Variants in FAT3 observed in about 807,000 individuals in gnomAD.
FAT3 encodes protocadherin Fat 3.
In FAT3, 95 loss-of-function variants were observed where a neutral mutation model predicts 310.2. That is an observed-to-expected ratio of 0.31 (90% CI 0.26 to 0.36). The LOEUF (loss-of-function observed/expected upper bound fraction) is 0.36. FAT3 is among the 10% of genes least tolerant of loss of function. FAT3 has a pLI of 1.00. For synonymous variants in FAT3, 2,314 were observed against 2,192.9 expected (o/e 1.06, Z -1.54); for missense variants, 5,408 against 5,715.6 (o/e 0.95, Z 1.74).
rs148881133 is a variant in FAT3, at chr11:92,589,387, C to A, written c.3607+64439C>A. Among the ~76,000 whole-genome samples, 220 of 152,178 alleles carry A rather than the reference C, an allele frequency of 1.4e-3. 1 individual carries two copies. The highest frequency in any genetic ancestry group is 2.6e-3 in the Non-Finnish European group (179 of 67,980). On this transcript the variant is annotated intron_variant, in intron 3 of 27. Coordinates refer to ENST00000525166, the MANE Select transcript of FAT3 (RefSeq NM_001367949.2). ...CACAGATCCATGTGTTATGGCCCTT[C>A]TTTACTACTGAAAATTTTGTCAAAG... is the stretch of plus-strand genomic sequence containing the variant.
At chr11:92,250,263 A>T (rs2134275927) in intron 1 of FAT3, among the ~76,000 whole-genome samples, 1 of 152,294 alleles carries the variant, frequency 6.6e-6, no homozygotes, top group African/African-American at 2.4e-5. Flanking sequence ...GACATTTTAA[A>T]TTCTTGTTTG....
intron 1 of FAT3, among the ~76,000 whole-genome samples, chr11:92,350,896 A>G (rs1209599880): frequency 1.3e-5 from 2 of 152,190 alleles, no homozygotes; most frequent in African/African-American, 4.8e-5. Flanking sequence ...GCAGAGTATA[A>G]GACTGGATGG....
intron 4 of FAT3, among the ~76,000 whole-genome samples, chr11:92,754,304 C>A (rs1364450179): frequency 2.0e-5 from 3 of 151,890 alleles, no homozygotes; most frequent in Non-Finnish European, 2.9e-5. Context: ...TGTATATATA[C>A]ACAATGGAAT....
At chr11:92,834,117 T>C (rs1387312161) in intron 14 of FAT3, among the ~76,000 whole-genome samples, 1 of 152,182 alleles carries the variant, frequency 6.6e-6, no homozygotes, top group East Asian at 1.9e-4. Context: ...GACTGCAGAA[T>C]GCAGGATTGG....
intron 3 of FAT3, among the ~76,000 whole-genome samples, chr11:92,632,954 CT>C (rs1177117704): frequency 3.9e-5 from 6 of 152,182 alleles, no homozygotes; most frequent in African/African-American, 1.4e-4. Flanking sequence ...AACATTGCCC[CT>C]GATCCTTGTT....
chr11:92,838,115 G>A (rs1366039783), intron 17 of FAT3, among the ~76,000 whole-genome samples: 1 of 152,166 alleles, frequency 6.6e-6, no homozygotes, highest in Non-Finnish European at 1.5e-5. Context: ...GGATCTGTGA[G>A]GTTAAGTAAT....
intron 2 of FAT3, among the ~76,000 whole-genome samples, chr11:92,509,768 C>G (rs1953231516): frequency 1.3e-5 from 2 of 152,118 alleles, no homozygotes; most frequent in Non-Finnish European, 2.9e-5. Context: ...CTAAATAAAA[C>G]TACAGATAAA....
chr11:92,284,621 C>T (rs1376608453), intron 1 of FAT3, among the ~76,000 whole-genome samples: 1 of 152,050 alleles, frequency 6.6e-6, no homozygotes, highest in Non-Finnish European at 1.5e-5. Context: ...CATTTGTCAA[C>T]CTTAGGGCAC....
chr11:92,327,992 T>C (rs1460757064), intron 1 of FAT3, among the ~76,000 whole-genome samples: 1 of 152,212 alleles, frequency 6.6e-6, no homozygotes, highest in East Asian at 1.9e-4. Flanking sequence ...AACAAGAGGA[T>C]AGGGTGGTGC....
At chr11:92,680,379 G>C (rs1479450040) in intron 3 of FAT3, among the ~76,000 whole-genome samples, 2 of 152,090 alleles carry the variant, frequency 1.3e-5, no homozygotes, top group African/African-American at 2.4e-5. Flanking sequence ...CTTTCTCAAT[G>C]TATGTTCTTG....
At chr11:92,713,664 A>T (rs916629033) in intron 4 of FAT3, among the ~76,000 whole-genome samples, 6 of 152,208 alleles carry the variant, frequency 3.9e-5, no homozygotes, top group Non-Finnish European at 8.8e-5. Context: ...AGTCTTTAAA[A>T]CTAAACTATT....
Position 92,353,085 on chromosome 11 carries a change from A to C in FAT3, c.973A>C (p.Lys325Gln), listed in dbSNP as rs758521604. 5.0e-6 allele frequency: 8 copies of C among 1,613,696 alleles called. No individual in the cohort carries two copies. The highest frequency in any genetic ancestry group is 1.3e-5 in the African/African-American group (1 of 75,016). ...GGAAGGAAAGTGGTTGAATGAGTAC[A>C]AGATTAAGGAGAGGAAGCAGATTGA... is the stretch of plus-strand genomic sequence containing the variant. ...AKEGKWLNEY[K>Q]IKERKQIDWE... is the part of the protein sequence containing the mutation. The change falls in exon 2 of 28, where the codon AAG (lysine) becomes CAG (glutamine). Residue 325 changes from lysine to glutamine, a missense_variant. By Grantham distance (53) the Lys-to-Gln change is moderately conservative. Transcript: ENST00000525166.
intron 3 of FAT3, among the ~76,000 whole-genome samples, chr11:92,541,937 T>G (rs962127097): frequency 5.3e-5 from 8 of 152,084 alleles, no homozygotes; most frequent in Non-Finnish European, 1.2e-4. Flanking sequence ...TATGATAGGT[T>G]TAGAATCACC....
At chr11:92,382,725 G>C (rs1190866145) in intron 2 of FAT3, among the ~76,000 whole-genome samples, 1 of 152,200 alleles carries the variant, frequency 6.6e-6, no homozygotes, top group Non-Finnish European at 1.5e-5. Flanking sequence ...TGTGTGTATA[G>C]AGAAGGATGT....
chr11:92,389,758 A>G (rs1244396237), intron 2 of FAT3, among the ~76,000 whole-genome samples: 1 of 152,168 alleles, frequency 6.6e-6, no homozygotes, highest in South Asian at 2.1e-4. Context: ...GTAATTGCCG[A>G]TGATCACATG....
At chr11:92,278,493 G>C (rs917563003) in intron 1 of FAT3, among the ~76,000 whole-genome samples, 4 of 152,048 alleles carry the variant, frequency 2.6e-5, no homozygotes, top group Middle Eastern at 3.4e-3. Context: ...TGTATTTTTT[G>C]GTGGTTAAAT....
At chr11:92,824,870 A>G (rs1948064017) in intron 13 of FAT3, among the ~76,000 whole-genome samples, 1 of 151,876 alleles carries the variant, frequency 6.6e-6, no homozygotes, top group Non-Finnish European at 1.5e-5. Context: ...ATGCCATTAT[A>G]TATTCTTTTA....
Position 92,417,805 on chromosome 11 carries a change from C to CT in FAT3, c.3292+62404dup, listed in dbSNP as rs1466543559. Among the ~76,000 whole-genome samples, 3 of 152,306 alleles carry CT rather than the reference C, an allele frequency of 2.0e-5. No homozygotes were observed. The South Asian group carries it at 6.2e-4, about 32-fold the overall frequency. On this transcript the variant is annotated intron_variant, in intron 2 of 27. Coordinates refer to ENST00000525166, the MANE Select transcript of FAT3 (RefSeq NM_001367949.2). The stretch of plus-strand genomic sequence containing the variant: ...AAACACATTAAGTAATAGACCCTGA[C>CT]TTTCCTGATTATTAACACAGAACCA...
At chr11:92,871,508 TC>T (rs1949391238) in intron 22 of FAT3, among the ~76,000 whole-genome samples, 1 of 152,214 alleles carries the variant, frequency 6.6e-6, no homozygotes, top group Non-Finnish European at 1.5e-5. Flanking sequence ...AAACTTTGAC[TC>T]TTTTTTTCTT....
Sources: allele counts gnomAD v4.1 joint callset (sites outside exome capture counted in the v4.1 genomes callset), GRCh38; gene constraint gnomAD v4.1.1; transcripts MANE v1.5; gene names NCBI Gene and HGNC (gene_info 2026-07-23, HGNC 2026-07-21).